Variants in MAPKAPK3 observed in about 807,000 individuals in gnomAD.
MAPKAPK3 encodes the protein MAP kinase-activated protein kinase 3.
A neutral mutation model predicts 49.2 loss-of-function variants in MAPKAPK3; 35 were observed. That is an observed-to-expected ratio of 0.71 (90% CI 0.54 to 0.94). The LOEUF is 0.94. Ranked by LOEUF, MAPKAPK3 falls within the 40% of genes least tolerant of loss-of-function variation. The pLI is 0.00. For synonymous variants in MAPKAPK3, 178 were observed against 188.7 expected, an observed-to-expected ratio of 0.94 and a Z score of 0.46; for missense variants, 398 against 493.1, an observed-to-expected ratio of 0.81 and a Z score of 1.83.
chr3:50,645,621 C>A (rs2033271256), intron 6 of MAPKAPK3, 89 bp from the exon 7 acceptor site: 1 of 1,013,444 alleles, frequency 9.9e-7, no homozygotes. Context: ...GCCCAGGTAC[C>A]TGCTCCCCAC....
chr3:50,637,708 AGAGAGAGAG>A (rs1165375062), intron 2 of MAPKAPK3, among the ~76,000 whole-genome samples: 3 of 151,092 alleles, frequency 2.0e-5, no homozygotes, highest in Admixed American at 6.6e-5. Flanking sequence ...AGAGAGAGAG[AGAGAGAGAG>A]AGAGAGATGG....
At chr3:50,623,272 G>A (rs900659606) in intron 2 of MAPKAPK3, among the ~76,000 whole-genome samples, 1 of 152,248 alleles carries the variant, frequency 6.6e-6, no homozygotes, top group African/African-American at 2.4e-5. Flanking sequence ...TGAGGAGCCA[G>A]AGTGTTAACT....
upstream of MAPKAPK3, chr3:50,611,835 G>C (rs1161174359): frequency 2.8e-6 from 2 of 712,116 alleles, no homozygotes; most frequent in Admixed American, 4.3e-5. Context: ...GAGCGGGGCG[G>C]GGCGAGCTGC....
chr3:50,632,368 G>A (rs1046556659), intron 2 of MAPKAPK3, among the ~76,000 whole-genome samples: 2 of 152,220 alleles, frequency 1.3e-5, no homozygotes, highest in Non-Finnish European at 2.9e-5. Context: ...GAACTTACAT[G>A]GGTTTCTGGT....
rs993781243 is a variant in MAPKAPK3, at chr3:50,642,400, G to A, written c.504+68G>A. On this transcript the variant is annotated intron_variant, in intron 5 of 10. Coordinates refer to ENST00000621469, the MANE Select transcript of MAPKAPK3 (RefSeq NM_001243925.2). Reference sequence around the variant, plus strand: ...ATTGTCCCACTCCACAATCCCTGATGGCATCCAGGACCCACTGGATGGAGG... The same window carrying A: ...ATTGTCCCACTCCACAATCCCTGATAGCATCCAGGACCCACTGGATGGAGG... 5 of 1,202,526 alleles carry A rather than the reference G, an allele frequency of 4.2e-6. No individual in the cohort carries two copies. In the African/African-American group the frequency reaches 6.0e-5, roughly 14 times the overall value. The allele number at this position is 1,202,526 out of a possible 1,614,324, so 74.5% of individuals were successfully genotyped here. A position where few individuals can be genotyped will look rare whatever the true frequency, so the allele number is the denominator to read the frequency against.
At chr3:50,647,354 G>A in intron 10 of MAPKAPK3, 151 bp downstream of exon 10, 1 of 649,344 alleles carries the variant, frequency 1.5e-6, no homozygotes, top group Non-Finnish European at 2.7e-6. Flanking sequence ...TCCAACCATG[G>A]CACTCCAAGG....
intron 3 of MAPKAPK3, 78 bp from the exon 4 acceptor site, chr3:50,641,629 G>T (rs1351472849): frequency 8.6e-7 from 1 of 1,157,338 alleles, no homozygotes; most frequent in Non-Finnish European, 1.3e-6. Context: ...TGAAGCCTGG[G>T]CCTATGATTT....
intron 9 of MAPKAPK3, 59 bp from the exon 10 acceptor site, chr3:50,647,064 A>G (rs1267592709): frequency 1.3e-5 from 18 of 1,393,882 alleles, no homozygotes; most frequent in Non-Finnish European, 1.8e-5. Flanking sequence ...GAGTAGGGGG[A>G]ACCAGTGCTG....
At position 50,617,648 on chromosome 3, in the gene MAPKAPK3, C is replaced by CGG; in HGVS notation, c.89_90dup (p.Arg31GlyfsTer10). The CGG allele has an allele frequency of 6.2e-7, 1 of 1,609,500 alleles. No individual in the cohort carries two copies. On this transcript the variant is annotated frameshift_variant, in exon 2 of 11. Transcript: ENST00000621469. LOFTEE classifies it high-confidence loss of function. ...GGCGGACCCGGCTTGGGCGGTGCTC[C>CGG]GGGGGGGCGGCGGGAGCCCAAGAAG...
At chr3:50,631,761 T>C (rs970049877) in intron 2 of MAPKAPK3, among the ~76,000 whole-genome samples, 2 of 152,244 alleles carry the variant, frequency 1.3e-5, no homozygotes, top group African/African-American at 4.8e-5. Flanking sequence ...TTTTGTCTTA[T>C]TCACGGCCTG....
chr3:50,648,708 G>A lies in MAPKAPK3; in HGVS notation c.*662G>A, dbSNP rs985328173. The A allele has an allele frequency of 1.3e-5, 2 of 152,346 alleles. No individual in the cohort carries two copies. The highest frequency in any genetic ancestry group is 2.9e-5 in the Non-Finnish European group (2 of 68,122). 9.4% of individuals were successfully genotyped at this position (152,346 alleles called of 1,614,324 possible). On this transcript the variant is annotated 3_prime_UTR_variant, in exon 11 of 11. Transcript: ENST00000621469. ...CAGATGGCACTCAGCGCTCTCCCCT[G>A]AGGGAGTCCCTGGGCCTAGCCATCC... is the stretch of plus-strand genomic sequence containing the variant.
At chr3:50,632,338 T>G (rs1164651759) in intron 2 of MAPKAPK3, among the ~76,000 whole-genome samples, 2 of 152,262 alleles carry the variant, frequency 1.3e-5, no homozygotes, top group Non-Finnish European at 2.9e-5. Flanking sequence ...GAATTATAAT[T>G]TGTCCTCATT....
intron 2 of MAPKAPK3, among the ~76,000 whole-genome samples, chr3:50,627,863 C>A (rs1306127684): frequency 6.6e-6 from 1 of 152,126 alleles, no homozygotes; most frequent in Non-Finnish European, 1.5e-5. Flanking sequence ...GCCTGGATGG[C>A]TAGTGCCCCT....
chr3:50,642,431 T>C, intron 5 of MAPKAPK3, 99 bp downstream of exon 5: 2 of 848,480 alleles, frequency 2.4e-6, no homozygotes, highest in South Asian at 2.8e-5. Flanking sequence ...GGAGGCCATG[T>C]TCCCTAGTCA....
rs78528472 is a variant in MAPKAPK3 at position 50,617,689 on chromosome 3, G to T, written c.124G>T (p.Asp42Tyr). The change falls in exon 2 of 11, where the codon GAC becomes TAC. Residue 42 changes from aspartate (D) to tyrosine (Y), a missense_variant. Asp to Tyr is a radical substitution (Grantham distance 160). Around this residue, in one of 5 missense-constraint regions of MAPKAPK3, gnomAD observed 123 missense variants for 117.7 expected, o/e 1.04. Coordinates refer to ENST00000621469, the MANE Select transcript of MAPKAPK3 (RefSeq NM_001243925.2). Reference sequence around the variant, plus strand: ...GCCCAAGAAGTACGCAGTGACCGACGACTACCAGTTGTCCAAGCAGGTGCT... The same window carrying T: ...GCCCAAGAAGTACGCAGTGACCGACTACTACCAGTTGTCCAAGCAGGTGCT... ...REPKKYAVTD[D>Y]YQLSKQVLGL... is the part of the protein sequence containing the mutation. 6.2e-7 allele frequency: 1 copy of T among 1,613,438 alleles called. No homozygotes were observed. Among genetic ancestry groups the T allele is most frequent in the East Asian group, 2.2e-5 (1 of 44,870 alleles).
At chr3:50,614,310 C>A (rs1394002696), upstream of MAPKAPK3, among the ~76,000 whole-genome samples, 1 of 152,162 alleles carries the variant, frequency 6.6e-6, no homozygotes, top group African/African-American at 2.4e-5. Context: ...TCCATAGATT[C>A]TTCTCTTCTA....
chr3:50,611,795 G>C, upstream of MAPKAPK3: 1 of 1,101,286 alleles, frequency 9.1e-7, no homozygotes, highest in Non-Finnish European at 1.2e-6. Context: ...GGCGCGGACC[G>C]CCTGCGAGGG....
intron 8 of MAPKAPK3, 22 bp from the exon 9 acceptor site, chr3:50,646,718 C>T (rs866697195): frequency 2.5e-6 from 4 of 1,609,920 alleles, no homozygotes; most frequent in Middle Eastern, 1.6e-4. Flanking sequence ...CATCTCTCCC[C>T]TCTCTTCCCT....
intron 2 of MAPKAPK3, among the ~76,000 whole-genome samples, chr3:50,632,965 G>C (rs1313608457): frequency 6.6e-6 from 1 of 152,226 alleles, no homozygotes; most frequent in Non-Finnish European, 1.5e-5. Context: ...AGTGGCTGGA[G>C]GAGGGTGTTG....
Sources: gnomAD v4.1 joint callset for allele counts (sites outside exome capture counted in the v4.1 genomes callset) on GRCh38, gnomAD v4.1.1 for gene constraint, gnomAD v4.1.1 regional missense constraint, MANE v1.5 for transcripts, NCBI Gene and HGNC (gene_info 2026-07-23, HGNC 2026-07-21) for gene names.